TARBP1: variants seen among roughly 807,000 people sequenced by gnomAD.
The protein encoded by TARBP1 is tRNA guanosine 2 -O-methyltransferase TARBP1.
In TARBP1, 144 loss-of-function variants were observed where a neutral mutation model predicts 178.6. The ratio of observed to expected loss-of-function variants is 0.81; its 90% CI spans 0.70 to 0.93. The LOEUF is 0.93. Ranked by LOEUF, TARBP1 falls within the 40% of genes least tolerant of loss-of-function variation. The pLI is 0.00. For missense variants in TARBP1, 2,067 were observed against 2,011.7 expected (o/e 1.03, Z -0.53); for synonymous variants, 787 against 781.0 (o/e 1.01, Z -0.13).
chr1:234,392,100 G>T (rs1381950492), intron 29 of TARBP1, among the ~76,000 whole-genome samples: 2 of 152,210 alleles, frequency 1.3e-5, no homozygotes, highest in Non-Finnish European at 2.9e-5. Context: ...AGGCACGGTG[G>T]CTCACGCCTG....
At chr1:234,392,675 C>A in intron 28 of TARBP1, 123 bp from the exon 29 acceptor site, 11 of 764,152 alleles carry the variant, frequency 1.4e-5, no homozygotes, top group Non-Finnish European at 1.8e-5. Flanking sequence ...GAGAATTATA[C>A]ATTATAAAAA....
At chr1:234,446,049 T>C (rs116387638) in intron 12 of TARBP1, among the ~76,000 whole-genome samples, 45,683 of 152,004 alleles carry the variant, frequency 0.3, 7,064 homozygotes, top group Admixed American at 0.41. Flanking sequence ...TATAAAAAAA[T>C]ATTTTTTATA....
At chr1:234,399,554 T>G (rs1026727594) in intron 25 of TARBP1, among the ~76,000 whole-genome samples, 1 of 152,190 alleles carries the variant, frequency 6.6e-6, no homozygotes, top group Non-Finnish European at 1.5e-5. Flanking sequence ...ACAAGGACTA[T>G]AAATCATGCT....
At chr1:234,437,725 T>C (rs1438064536) in intron 12 of TARBP1, among the ~76,000 whole-genome samples, 2 of 152,196 alleles carry the variant, frequency 1.3e-5, no homozygotes, top group Non-Finnish European at 2.9e-5. Context: ...TTTACTAATG[T>C]TTCTCCCTCT....
At chr1:234,417,985 A>G in intron 22 of TARBP1, 99 bp downstream of exon 22, 1 of 714,518 alleles carries the variant, frequency 1.4e-6, no homozygotes, top group Non-Finnish European at 2.1e-6. Context: ...CAATAGGGCA[A>G]CTGAGAGTCA....
chr1:234,426,561 TA>T (rs1007709122), intron 19 of TARBP1, among the ~76,000 whole-genome samples: 59 of 152,308 alleles, frequency 3.9e-4, no homozygotes, highest in African/African-American at 1.4e-3. Context: ...TTCAGAATAA[TA>T]AATACTTTAT....
chr1:234,435,169 G>A (rs1030542977), intron 13 of TARBP1, among the ~76,000 whole-genome samples: 14 of 152,308 alleles, frequency 9.2e-5, no homozygotes, highest in African/African-American at 3.4e-4. Context: ...GGGACCCTTG[G>A]CTGGGTGCAG....
In TARBP1 at chr1:234,420,900, T is replaced by A. The variant is rs6669819; in HGVS notation, c.3445-88A>T. Reference sequence around the variant, plus strand: ...AATCAATGACAACTTGAAATGTAAGTGGCTTAAATTAGGCACAGGGGCTTT... The same window carrying A: ...AATCAATGACAACTTGAAATGTAAGAGGCTTAAATTAGGCACAGGGGCTTT... On this transcript the variant is annotated intron_variant, in intron 20 of 29. Transcript: ENST00000040877. 197,147 of 778,334 alleles carry A rather than the reference T, an allele frequency of 0.25. 26,564 individuals carry two copies. The highest frequency in any genetic ancestry group is 0.42 in the East Asian group (15,151 of 36,384). 48.2% of individuals were successfully genotyped at this position (778,334 alleles called of 1,614,324 possible).
intron 8 of TARBP1, among the ~76,000 whole-genome samples, 158 bp downstream of exon 8, chr1:234,459,072 A>G (rs1667576909): frequency 1.3e-5 from 2 of 152,230 alleles, no homozygotes; most frequent in South Asian, 4.1e-4. Context: ...GACTATTTAG[A>G]GAGATCATAT....
At position 234,424,244 on chromosome 1, in the gene TARBP1, A is replaced by C. The variant is rs116674763; in HGVS notation, c.3444+1429T>G. On this transcript the variant is annotated intron_variant, in intron 20 of 29. Transcript: ENST00000040877. Reference sequence around the variant, plus strand: ...ACTCCGCTGACCTCGGCTTTAAATGACAGGTAACTGTATCTGTCATTTAAA... The same window carrying C: ...ACTCCGCTGACCTCGGCTTTAAATGCCAGGTAACTGTATCTGTCATTTAAA... Among the ~76,000 whole-genome samples the C allele has an allele frequency of 5.9e-3, 901 of 152,344 alleles. 10 individuals carry two copies. Among genetic ancestry groups the C allele is most frequent in the African/African-American group, 0.02 (812 of 41,574 alleles).
intron 3 of TARBP1, among the ~76,000 whole-genome samples, chr1:234,469,911 C>A (rs1668869517): frequency 6.6e-6 from 1 of 152,102 alleles, no homozygotes; most frequent in South Asian, 2.1e-4. Flanking sequence ...TTAAGAAACA[C>A]TGGAAAAGAT....
At position 234,478,723 on chromosome 1, in the gene TARBP1, A is replaced by C; in HGVS notation, c.381T>G (p.Asp127Glu). 1 of 1,194,350 alleles carries C rather than the reference A, an allele frequency of 8.4e-7. No homozygotes were observed. The highest frequency in any genetic ancestry group is 1.0e-6 in the Non-Finnish European group (1 of 964,742). 74.0% of individuals were successfully genotyped at this position (1,194,350 alleles called of 1,614,324 possible). A position where few individuals can be genotyped will look rare whatever the true frequency, so the allele number is the denominator to read the frequency against. ...CAGGCGCGCGCCACCCGGCGAGCAGATCGCGCAGCGCCTCCTCAGCCAGCG... is the reference window on the plus strand; with the variant it reads ...CAGGCGCGCGCCACCCGGCGAGCAGCTCGCGCAGCGCCTCCTCAGCCAGCG... ...AAALAEEALR[D>E]LLAGWRAPGA... The change falls in exon 1 of 30, where the codon GAT (aspartate) becomes GAG (glutamate). Residue 127 changes from aspartate to glutamate, a missense_variant. Coordinates refer to ENST00000040877, the MANE Select transcript of TARBP1 (RefSeq NM_005646.4).
chr1:234,399,161 C>T (rs981138592), intron 25 of TARBP1, among the ~76,000 whole-genome samples: 8 of 152,210 alleles, frequency 5.3e-5, no homozygotes, highest in African/African-American at 1.9e-4. Context: ...ATAAGCAATC[C>T]TCCTTTGCTT....
At chr1:234,391,829 C>T (rs3862040) in intron 29 of TARBP1, 84 bp from the exon 30 acceptor site, 617,338 of 1,403,588 alleles carry the variant, frequency 0.44, 137,915 homozygotes, top group African/African-American at 0.58. Flanking sequence ...TTTGTTTATT[C>T]ACTTATTTTT....
chr1:234,429,302 A>G lies in TARBP1; in HGVS notation c.2894T>C (p.Leu965Pro). 9 of 1,580,668 alleles carry G rather than the reference A, an allele frequency of 5.7e-6. No homozygotes were observed. The highest frequency in any genetic ancestry group is 7.7e-6 in the Non-Finnish European group (9 of 1,171,196). The change falls in exon 17 of 30, where the codon CTC (leucine) becomes CCC (proline). Residue 965 changes from leucine to proline, a missense_variant. Coordinates refer to ENST00000040877, the MANE Select transcript of TARBP1 (RefSeq NM_005646.4). ...CGCCATGTCAAAAGACTCTATGCAGAGTGATTCAGAGGAAGTCAGAAGCTG... is the reference window on the plus strand; with the variant it reads ...CGCCATGTCAAAAGACTCTATGCAGGGTGATTCAGAGGAAGTCAGAAGCTG... ...VPKLLTSSES[L>P]CIESFDMAWK...
chr1:234,452,890 AT>A (rs900551233), intron 9 of TARBP1, among the ~76,000 whole-genome samples: 2 of 150,816 alleles, frequency 1.3e-5, no homozygotes, highest in African/African-American at 4.9e-5. Flanking sequence ...AAAAAAAAAA[AT>A]GAGCTATCAA....
At position 234,430,225 on chromosome 1, in the gene TARBP1, T is replaced by C. The variant is rs1664285547; in HGVS notation, c.2471A>G (p.Gln824Arg). ...ALAMVCEAID[Q>R]KPELQLDSLH... is the part of the protein sequence containing the mutation. ...AGAGTCCAGCTGCAGCTCAGGCTTC[T>C]GGTCTATGGCCTCACACACCATGGC... Residue 824 changes from glutamine to arginine, a missense_variant, in exon 15 of 30, where the codon CAG (glutamine) becomes CGG (arginine). Physicochemically the swap from Gln to Arg is conservative, Grantham distance 43. Coordinates refer to ENST00000040877, the MANE Select transcript of TARBP1 (RefSeq NM_005646.4). 6.2e-7 allele frequency: 1 copy of C among 1,614,116 alleles called. No homozygotes were observed. The highest frequency in any genetic ancestry group is 1.3e-5 in the African/African-American group (1 of 74,952).
In TARBP1 at chr1:234,463,964, T is replaced by C. The variant is rs769450748; in HGVS notation, c.1302-30A>G. ...AAACAGAGAGTGGGGAAAACAAATA[T>C]TTAACATTTATTTACAAGTGATTAC... On this transcript the variant is annotated intron_variant, in intron 5 of 29. Transcript: ENST00000040877. The C allele has an allele frequency of 7.0e-6, 10 of 1,438,394 alleles. No homozygotes were observed. The Middle Eastern group carries it at 5.3e-4, about 76-fold the overall frequency. 89.1% of individuals were successfully genotyped at this position (1,438,394 alleles called of 1,614,324 possible).
intron 12 of TARBP1, among the ~76,000 whole-genome samples, chr1:234,442,738 T>C (rs1364185096): frequency 6.6e-6 from 1 of 152,134 alleles, no homozygotes; most frequent in Non-Finnish European, 1.5e-5. Context: ...ATCAAACCCA[T>C]TCAATTAAAA....
Sources: gnomAD v4.1 joint callset for allele counts (sites outside exome capture counted in the v4.1 genomes callset) on GRCh38, gnomAD v4.1.1 for gene constraint, MANE v1.5 for transcripts, NCBI Gene and HGNC (gene_info 2026-07-23, HGNC 2026-07-21) for gene names.